Variants in IFT140 observed in about 807,000 individuals in gnomAD.
The protein encoded by IFT140 is intraflagellar transport protein 140 homolog.
IFT140 carries 133 observed loss-of-function variants against 164.6 expected under a neutral mutation model. The observed-to-expected ratio is 0.81, with a 90% CI of 0.70 to 0.93. The LOEUF (loss-of-function observed/expected upper bound fraction) is 0.93. Among genes scored for constraint, IFT140 ranks in the 40% least tolerant of loss-of-function variants. The pLI is 0.00. For missense variants in IFT140, 2,045 were observed against 1,972.3 expected, an observed-to-expected ratio of 1.04 and a Z score of -0.70; for synonymous variants, 860 against 817.3, an observed-to-expected ratio of 1.05 and a Z score of -0.89.
chr16:1,518,661 AC>A (rs1420744984), intron 29 of IFT140, among the ~76,000 whole-genome samples: 2 of 151,798 alleles, frequency 1.3e-5, no homozygotes, highest in Non-Finnish European at 2.9e-5. Context: ...ACAAAGCGTG[AC>A]CCAGAGGGGA....
At chr16:1,601,263 C>CGAAA (rs2035784513) in intron 4 of IFT140, among the ~76,000 whole-genome samples, 1 of 55,264 alleles carries the variant, frequency 1.8e-5, no homozygotes, top group Non-Finnish European at 3.9e-5. Flanking sequence ...GATTCCATCA[C>CGAAA]AAAAAAAAAA....
At chr16:1,527,778 A>T (rs1365242500) in intron 19 of IFT140, among the ~76,000 whole-genome samples, 1 of 152,168 alleles carries the variant, frequency 6.6e-6, no homozygotes, top group East Asian at 1.9e-4. Context: ...TCGCCATGTT[A>T]CCCAGGCTGG....
Position 1,566,184 on chromosome 16 carries a change from G to A in IFT140, c.1878C>T (p.Ser626=), listed in dbSNP as rs745309062. The A allele has an allele frequency of 1.9e-6, 3 of 1,613,692 alleles. No homozygotes were observed. The highest frequency in any genetic ancestry group is 2.5e-6 in the Non-Finnish European group (3 of 1,179,752). ...ACTTATTAGTCTCTTGCTCATTAAAGGACAGCGTCTCTCTCCGATCAATTT... is the reference window on the plus strand; with the variant it reads ...ACTTATTAGTCTCTTGCTCATTAAAAGACAGCGTCTCTCTCCGATCAATTT... ...TGQIDRRETL[S]FNEQETNKSH... is the part of the protein sequence containing the mutation. Residue 626 remains serine, a synonymous_variant, in exon 16 of 31, where the codon TCC becomes TCT. Transcript: ENST00000426508.
Position 1,511,244 on chromosome 16 carries a change from C to T in IFT140, c.4183-94G>A, listed in dbSNP as rs993787508. The T allele has an allele frequency of 5.2e-5, 66 of 1,257,624 alleles. No homozygotes were observed. In the Middle Eastern group the frequency reaches 5.8e-4, roughly 11 times the overall value. The allele number at this position is 1,257,624 out of a possible 1,614,324, so 77.9% of individuals were successfully genotyped here. ...AGGCACGTGCTGCTGCCCCTGGAGGCGGGTGGGGGTGCCTCCGCGCTGGAG... is the reference window on the plus strand; with the variant it reads ...AGGCACGTGCTGCTGCCCCTGGAGGTGGGTGGGGGTGCCTCCGCGCTGGAG... On this transcript the variant is annotated intron_variant, in intron 30 of 30. Transcript: ENST00000426508.
chr16:1,558,053 C>G lies in IFT140; in HGVS notation c.2281G>C (p.Asp761His). 6.2e-7 allele frequency: 1 copy of G among 1,614,092 alleles called. No individual in the cohort carries two copies. The highest frequency in any genetic ancestry group is 8.5e-7 in the Non-Finnish European group (1 of 1,180,040). ...PQMVSRRPLR[D>H]FVGLEDCDKA... ...TCGCAGTCCTCCAGCCCCACAAAGT[C>G]TCGCAGGGGTCTCCTGGACACCATC... The change falls in exon 19 of 31, where the codon GAC becomes CAC. Residue 761 changes from aspartate (D) to histidine (H), a missense_variant. Asp to His is a moderately conservative substitution (Grantham distance 81). Coordinates refer to ENST00000426508, the MANE Select transcript of IFT140 (RefSeq NM_014714.4).
Position 1,586,167 on chromosome 16 carries a change from G to C in IFT140, c.1118C>G (p.Thr373Ser). The change falls in exon 10 of 31, where the codon ACC (threonine) becomes AGC (serine). Residue 373 changes from threonine (T) to serine (S), a missense_variant. Coordinates refer to ENST00000426508, the MANE Select transcript of IFT140 (RefSeq NM_014714.4). Reference protein sequence around the residue: ...AEGKDRWALQTPTELQGNITQ... With the variant: ...AEGKDRWALQSPTELQGNITQ... ...GATGTTTCCTTGGAGCTCGGTAGGG[G>C]TCTGAAGGGCCCACCTGTCCTTGCC... The C allele has an allele frequency of 1.2e-6, 2 of 1,613,912 alleles. No homozygotes were observed. The highest frequency in any genetic ancestry group is 1.7e-6 in the Non-Finnish European group (2 of 1,180,006).
At chr16:1,517,384 A>AC (rs1314094317) in intron 30 of IFT140, among the ~76,000 whole-genome samples, 2 of 151,728 alleles carry the variant, frequency 1.3e-5, no homozygotes, top group African/African-American at 4.9e-5. Flanking sequence ...TAATAAGAAA[A>AC]CCCAATAAAA....
chr16:1,566,203 T>G lies in IFT140; in HGVS notation c.1859A>C (p.Asp620Ala). ...ATTAAAGGACAGCGTCTCTCTCCGA[T>G]CAATTTGTCCAGTCTTGAAGTCAAA... ...TVFDFKTGQI[D>A]RRETLSFNEQ... The change falls in exon 16 of 31, where the codon GAT becomes GCT. Residue 620 changes from aspartate to alanine, a missense_variant. Asp to Ala is a moderately radical substitution (Grantham distance 126). Coordinates refer to ENST00000426508, the MANE Select transcript of IFT140 (RefSeq NM_014714.4). 9 of 1,613,880 alleles carry G rather than the reference T, an allele frequency of 5.6e-6. No homozygotes were observed. Among genetic ancestry groups the G allele is most frequent in the Non-Finnish European group, 6.8e-6 (8 of 1,179,756 alleles).
intron 2 of IFT140, among the ~76,000 whole-genome samples, chr16:1,607,927 G>C (rs2036156323): frequency 6.6e-6 from 1 of 152,144 alleles, no homozygotes; most frequent in Non-Finnish European, 1.5e-5. Context: ...TTACAGCCGT[G>C]GGCCACCACT....
chr16:1,524,380 G>T, intron 24 of IFT140, 172 bp downstream of exon 24: 1 of 791,084 alleles, frequency 1.3e-6, no homozygotes, highest in Non-Finnish European at 1.9e-6. Context: ...GATGGAAGCG[G>T]CCAGGGGTGG....
At chr16:1,598,502 T>G (rs1034806799) in intron 4 of IFT140, among the ~76,000 whole-genome samples, 1 of 152,056 alleles carries the variant, frequency 6.6e-6, no homozygotes, top group Non-Finnish European at 1.5e-5. Context: ...ATGATATTCA[T>G]CCTTGATAGC....
At chr16:1,547,484 G>A (rs906422178) in intron 19 of IFT140, among the ~76,000 whole-genome samples, 5 of 152,136 alleles carry the variant, frequency 3.3e-5, no homozygotes, top group Non-Finnish European at 7.4e-5. Flanking sequence ...GAATCGTCTC[G>A]TGGAAATATA....
At chr16:1,518,695 C>T (rs2040434602) in intron 29 of IFT140, among the ~76,000 whole-genome samples, 1 of 151,776 alleles carries the variant, frequency 6.6e-6, no homozygotes, top group South Asian at 2.1e-4. Context: ...GGACAGGGTA[C>T]ACGGAGAGGC....
intron 29 of IFT140, among the ~76,000 whole-genome samples, chr16:1,519,610 C>G (rs918347154): frequency 1.3e-5 from 2 of 152,154 alleles, no homozygotes; most frequent in Non-Finnish European, 2.9e-5. Context: ...CCCAGACACA[C>G]CCTCTCCTGC....
intron 19 of IFT140, chr16:1,557,606 T>G: frequency 7.7e-6 from 2 of 258,808 alleles, no homozygotes; most frequent in South Asian, 8.2e-5. Context: ...CACCTGGCTG[T>G]TTTTAGTGTT....
At chr16:1,578,288 A>G (rs954020639) in intron 13 of IFT140, 3 of 152,130 alleles carry the variant, frequency 2.0e-5, no homozygotes, top group African/African-American at 7.2e-5. Context: ...CACAAGCACC[A>G]TGTAAGGTAC....
chr16:1,517,965 G>A lies in IFT140; in HGVS notation c.4182+251C>T, dbSNP rs2040411840. The A allele has an allele frequency of 9.1e-6, 3 of 328,186 alleles. No individual in the cohort carries two copies. The South Asian group carries it at 1.1e-4, about 12-fold the overall frequency. The allele number at this position is 328,186 out of a possible 1,614,324, so 20.3% of individuals were successfully genotyped here. On this transcript the variant is annotated intron_variant, in intron 30 of 30. Transcript: ENST00000426508. ...GGATCCTCCCACCTCAGCCTCCCAA[G>A]CAGCTGGGACCCCAGGTGTGAGCCA...
intron 13 of IFT140, among the ~76,000 whole-genome samples, chr16:1,575,733 C>G (rs768032836): frequency 1.6e-4 from 25 of 151,826 alleles, no homozygotes; most frequent in Non-Finnish European, 2.9e-4. Context: ...TGCCACTGGC[C>G]TCTCCCAGCA....
chr16:1,567,472 C>G (rs2033781097), intron 15 of IFT140, among the ~76,000 whole-genome samples: 1 of 152,174 alleles, frequency 6.6e-6, no homozygotes. Flanking sequence ...GCTGTCACCC[C>G]CTCAGCAGGC....
Sources: allele counts gnomAD v4.1 joint callset (sites outside exome capture counted in the v4.1 genomes callset), GRCh38; gene constraint gnomAD v4.1.1; transcripts MANE v1.5; gene names NCBI Gene and HGNC (gene_info 2026-07-23, HGNC 2026-07-21).